Variants in AMN1 observed in about 807,000 individuals in gnomAD.
AMN1 encodes the protein antagonist of mitotic exit network 1 homolog.
Under a neutral mutation model 33.0 loss-of-function variants are expected in AMN1, and 20 were observed. The observed-to-expected ratio is 0.61, with a 90% CI of 0.43 to 0.88. The LOEUF is 0.88. AMN1 is among the 40% of genes least tolerant of loss of function. AMN1 has a pLI of 0.00. For missense variants in AMN1, 246 were observed against 307.4 expected (o/e 0.80, Z 1.49); for synonymous variants, 114 against 111.9 (o/e 1.02, Z -0.12).
At chr12:31,711,866 C>CTA (rs1939479036) in intron 1 of AMN1, among the ~76,000 whole-genome samples, 1 of 152,164 alleles carries the variant, frequency 6.6e-6, no homozygotes, top group African/African-American at 2.4e-5. Flanking sequence ...CCATCCCCTG[C>CTA]CCTTCCCAGC....
At chr12:31,692,094 C>T (rs1478521932) in intron 5 of AMN1, among the ~76,000 whole-genome samples, 1 of 147,844 alleles carries the variant, frequency 6.8e-6, no homozygotes, top group African/African-American at 2.5e-5. Context: ...GTCAGGCTGG[C>T]CTCAAACTCT....
At chr12:31,710,986 T>G (rs936231686) in intron 1 of AMN1, among the ~76,000 whole-genome samples, 1 of 152,142 alleles carries the variant, frequency 6.6e-6, no homozygotes, top group Non-Finnish European at 1.5e-5. Flanking sequence ...CTCAGCTCAC[T>G]GCAACCTCTG....
At chr12:31,721,843 T>C (rs1362179134) in intron 1 of AMN1, among the ~76,000 whole-genome samples, 1 of 152,186 alleles carries the variant, frequency 6.6e-6, no homozygotes, top group Non-Finnish European at 1.5e-5. Context: ...CATTCTCTAA[T>C]GGAATAGACT....
At chr12:31,718,219 G>A (rs187008296) in intron 1 of AMN1, among the ~76,000 whole-genome samples, 2 of 151,770 alleles carry the variant, frequency 1.3e-5, no homozygotes, top group African/African-American at 4.8e-5. Flanking sequence ...TATTGATATT[G>A]TATATGCTTC....
chr12:31,689,299 T>A (rs926311252), intron 5 of AMN1, among the ~76,000 whole-genome samples, 181 bp from the exon 6 acceptor site: 7 of 152,190 alleles, frequency 4.6e-5, no homozygotes, highest in Admixed American at 1.3e-4. Flanking sequence ...AAAAGTTAAA[T>A]GCCCAACCAT....
chr12:31,689,300 GC>G (rs1938402964), intron 5 of AMN1, among the ~76,000 whole-genome samples, 182 bp from the exon 6 acceptor site: 1 of 152,146 alleles, frequency 6.6e-6, no homozygotes, highest in East Asian at 1.9e-4. Context: ...AAAGTTAAAT[GC>G]CCAACCATTT....
At chr12:31,704,005 T>C (rs952968254) in intron 2 of AMN1, among the ~76,000 whole-genome samples, 1 of 152,240 alleles carries the variant, frequency 6.6e-6, no homozygotes, top group Admixed American at 6.5e-5. Context: ...ACATATGCTA[T>C]ATATAACTAT....
intron 6 of AMN1, among the ~76,000 whole-genome samples, chr12:31,688,281 T>C (rs2139671311): frequency 6.6e-6 from 1 of 152,340 alleles, no homozygotes; most frequent in African/African-American, 2.4e-5. Flanking sequence ...TACAGTTTGA[T>C]AATAGTTAAC....
At chr12:31,707,458 G>T (rs117950001) in intron 2 of AMN1, among the ~76,000 whole-genome samples, 1 of 152,216 alleles carries the variant, frequency 6.6e-6, no homozygotes. Context: ...CGTACTTGCT[G>T]ATGCTGCAGA....
chr12:31,697,385 A>G lies in AMN1; in HGVS notation c.567T>C (p.Ser189=). The G allele has an allele frequency of 6.2e-7, 1 of 1,613,022 alleles. No homozygotes were observed. Among genetic ancestry groups the G allele is most frequent in the South Asian group, 1.1e-5 (1 of 90,920 alleles). ...VSDSGVIALV[S]GPCAKKLEEI... is the part of the protein sequence containing the mutation. ...CCTCTAATTTCTTCGCACAAGGTCC[A>G]CTAACAAGTGCAATCACACCACTGT... is the stretch of plus-strand genomic sequence containing the variant. Residue 189 remains serine, a synonymous_variant, in exon 5 of 7, where the codon AGT becomes AGC. Transcript: ENST00000281471.
At chr12:31,699,735 T>C (rs948690619) in intron 3 of AMN1, among the ~76,000 whole-genome samples, 1 of 152,222 alleles carries the variant, frequency 6.6e-6, no homozygotes, top group Non-Finnish European at 1.5e-5. Context: ...CCATTTATAG[T>C]TGGTCAGTCA....
At chr12:31,676,358 T>G (rs1178059535) in intron 6 of AMN1, among the ~76,000 whole-genome samples, 1 of 151,244 alleles carries the variant, frequency 6.6e-6, no homozygotes, top group Admixed American at 6.6e-5. Context: ...ACCTGTAATC[T>G]CAGCACTTTG....
chr12:31,724,934 T>G (rs1592180373), intron 1 of AMN1, among the ~76,000 whole-genome samples: 1 of 152,224 alleles, frequency 6.6e-6, no homozygotes, highest in East Asian at 1.9e-4. Flanking sequence ...TCAAACAAAT[T>G]GATTAAATTT....
At chr12:31,721,148 G>A (rs900050100) in intron 1 of AMN1, among the ~76,000 whole-genome samples, 2 of 152,184 alleles carry the variant, frequency 1.3e-5, no homozygotes, top group African/African-American at 4.8e-5. Context: ...TGGCTCCTGC[G>A]ACAGTCTGAT....
intron 6 of AMN1, among the ~76,000 whole-genome samples, chr12:31,677,259 C>T (rs1414249343): frequency 6.6e-6 from 1 of 152,096 alleles, no homozygotes; most frequent in Non-Finnish European, 1.5e-5. Context: ...GAGATCGCGC[C>T]ACTGCACTCC....
intron 1 of AMN1, among the ~76,000 whole-genome samples, chr12:31,728,149 T>G (rs1161502373): frequency 6.6e-6 from 1 of 152,168 alleles, no homozygotes; most frequent in Non-Finnish European, 1.5e-5. Flanking sequence ...CAGATGCCAT[T>G]GTTTCAGAAA....
At chr12:31,693,399 T>C (rs1258005638) in intron 5 of AMN1, among the ~76,000 whole-genome samples, 2 of 151,992 alleles carry the variant, frequency 1.3e-5, no homozygotes, top group Non-Finnish European at 2.9e-5. Context: ...GCTAATTTTG[T>C]ATTTTTAGTA....
upstream of AMN1, chr12:31,729,135 A>T: frequency 9.0e-7 from 1 of 1,111,204 alleles, no homozygotes; most frequent in Admixed American, 2.7e-5. Flanking sequence ...TTTTCCGGTG[A>T]CCGGGGCGTG....
rs766243835 is a variant in AMN1 at position 31,697,884 on chromosome 12, G to A, written c.390C>T (p.Asp130=). 9.4e-5 allele frequency: 152 copies of A among 1,613,864 alleles called. No homozygotes were observed. Among genetic ancestry groups the A allele is most frequent in the Non-Finnish European group, 1.2e-4 (147 of 1,179,882 alleles). The change falls in exon 4 of 7, where the codon GAC becomes GAT. Residue 130 remains aspartate (D), a synonymous_variant. Transcript: ENST00000281471. ...TGAGTGCAAGAGCAACGACTCCTTCGTCAGTGAGATTGCAGCATCTTTTCA... is the reference window on the plus strand; with the variant it reads ...TGAGTGCAAGAGCAACGACTCCTTCATCAGTGAGATTGCAGCATCTTTTCA... The part of the protein sequence containing the change: ...ASLKRCCNLT[D]EGVVALALNC...
Sources: gnomAD v4.1 joint callset for allele counts (sites outside exome capture counted in the v4.1 genomes callset) on GRCh38, gnomAD v4.1.1 for gene constraint, MANE v1.5 for transcripts, NCBI Gene and HGNC (gene_info 2026-07-23, HGNC 2026-07-21) for gene names.